The following AGMO variants were observed in gnomAD, a reference collection of about 807,000 sequenced individuals.
AGMO encodes the protein alkylglycerol monooxygenase, also known as glyceryl-ether monooxygenase.
A neutral mutation model predicts 60.2 loss-of-function variants in AGMO; 75 were observed. The observed-to-expected ratio is 1.25, with a 90% confidence interval of 1.03 to 1.51. The LOEUF (loss-of-function observed/expected upper bound fraction) is 1.51, where lower values mean the gene tolerates loss of function less well. AGMO is among the 40% of genes most tolerant of loss of function. The probability of loss-of-function intolerance (pLI) is 0.00; values close to 1 mark genes in which losing one functional copy is unlikely to be tolerated. For missense variants in AGMO, 763 were observed against 525.5 expected, an observed-to-expected ratio of 1.45 and a Z score of -4.42; for synonymous variants, 261 against 177.1, an observed-to-expected ratio of 1.47 and a Z score of -3.76.
chr7:15,178,560 T>C, the AGMO span, among the ~76,000 whole-genome samples: 1 of 152,098 alleles, frequency 6.6e-6, no homozygotes, highest in South Asian at 2.1e-4. Flanking sequence ...CTTTTTTTCC[T>C]CTATCTGGTG....
chr7:15,135,159 AGTTTGTGTGTGT>A, the AGMO span, among the ~76,000 whole-genome samples: 44 of 125,008 alleles, frequency 3.5e-4, no homozygotes, highest in Admixed American at 1.1e-3. Context: ...TATTTATATG[AGTTTGTGTGTGT>A]GTGTGTGTGT....
chr7:15,386,315 C>T (rs76066187), intron 9 of AGMO, among the ~76,000 whole-genome samples: 1,771 of 152,236 alleles, frequency 0.012, 23 homozygotes, highest in African/African-American at 0.039. Flanking sequence ...CAATAGACTA[C>T]GTTTCTACTC....
intron 3 of AGMO, among the ~76,000 whole-genome samples, chr7:15,437,961 C>A (rs1210733039): frequency 1.3e-5 from 2 of 152,104 alleles, no homozygotes; most frequent in East Asian, 3.9e-4. Context: ...TTATTCTATC[C>A]CATAATCACA....
At position 15,475,708 on chromosome 7, in the gene AGMO, G is replaced by A. The variant is rs1319459009; in HGVS notation, c.410-44600C>T. On this transcript the variant is annotated intron_variant, in intron 3 of 12. Transcript: ENST00000342526. ...TAATTTTAAAAAAAAAGAAAAAGAA[G>A]GAATTTAGATTTATTAAATGTAAAT... Among the ~76,000 whole-genome samples, 3 of 151,698 alleles carry A rather than the reference G, an allele frequency of 2.0e-5. No homozygotes were observed. In the South Asian group the frequency reaches 6.2e-4, roughly 32 times the overall value.
intron 12 of AGMO, among the ~76,000 whole-genome samples, chr7:15,260,423 G>T (rs530879510): frequency 1.2e-4 from 18 of 151,934 alleles, no homozygotes; most frequent in African/African-American, 4.3e-4. Flanking sequence ...GACAGAGAGG[G>T]ATATAATATA....
intron 3 of AGMO, among the ~76,000 whole-genome samples, chr7:15,496,082 A>G (rs1783224615): frequency 6.6e-6 from 1 of 152,134 alleles, no homozygotes; most frequent in African/African-American, 2.4e-5. Flanking sequence ...CACATTAAAG[A>G]GGCAATAGTC....
intron 10 of AGMO, among the ~76,000 whole-genome samples, chr7:15,371,910 TAA>T (rs1554263003): frequency 2.1e-5 from 3 of 143,630 alleles, no homozygotes; most frequent in African/African-American, 5.4e-5. Context: ...AGTTTAATAT[TAA>T]ATTATTAAGT....
chr7:15,396,992 G>C (rs1366856640), intron 5 of AGMO, among the ~76,000 whole-genome samples: 4 of 152,140 alleles, frequency 2.6e-5, no homozygotes, highest in African/African-American at 7.2e-5. Flanking sequence ...ACTAGACATA[G>C]AGTGCTGATT....
intron 2 of AGMO, among the ~76,000 whole-genome samples, chr7:15,546,881 A>T (rs915367377): frequency 6.6e-6 from 1 of 152,226 alleles, no homozygotes; most frequent in Non-Finnish European, 1.5e-5. Context: ...TTTGGACAGG[A>T]TAATTCTTTG....
intron 3 of AGMO, among the ~76,000 whole-genome samples, chr7:15,481,648 A>G (rs1782753052): frequency 6.6e-6 from 1 of 152,072 alleles, no homozygotes; most frequent in Non-Finnish European, 1.5e-5. Context: ...TACCTCTCAA[A>G]AACTGATAAA....
intron 12 of AGMO, among the ~76,000 whole-genome samples, chr7:15,248,712 A>T (rs1782842709): frequency 6.6e-6 from 1 of 152,172 alleles, no homozygotes. Context: ...CATAGGCTGT[A>T]TTTGGAAGAA....
rs537493630 is a variant in AGMO at position 15,337,434 on chromosome 7, A to G, written c.1263+28080T>C. Among the ~76,000 whole-genome samples, 657 of 152,296 alleles carry G rather than the reference A, an allele frequency of 4.3e-3. 4 individuals carry two copies. The highest frequency in any genetic ancestry group is 5.4e-3 in the Non-Finnish European group (366 of 68,020). Reference sequence around the variant, plus strand: ...GCCATAAAACAGAGGAGGGTCTGGTAGCCTTGCACAACTCAAGGAGACACT... The same window carrying G: ...GCCATAAAACAGAGGAGGGTCTGGTGGCCTTGCACAACTCAAGGAGACACT... On this transcript the variant is annotated intron_variant, in intron 12 of 12. Transcript: ENST00000342526.
At chr7:15,235,831 A>C (rs967269328) in intron 12 of AGMO, among the ~76,000 whole-genome samples, 1 of 152,148 alleles carries the variant, frequency 6.6e-6, no homozygotes, top group African/African-American at 2.4e-5. Flanking sequence ...TTTATGGAAC[A>C]AATGTAAGCA....
chr7:15,435,332 G>C (rs1432342076), intron 3 of AGMO, among the ~76,000 whole-genome samples: 9 of 140,910 alleles, frequency 6.4e-5, no homozygotes, highest in African/African-American at 2.1e-4. Context: ...TTTTTTATTA[G>C]TACCAGCAGT....
chr7:15,268,045 T>G (rs541965286), intron 12 of AGMO, among the ~76,000 whole-genome samples: 1 of 152,058 alleles, frequency 6.6e-6, no homozygotes, highest in Non-Finnish European at 1.5e-5. Context: ...TGCATGATAA[T>G]AAAGAAATAT....
intron 12 of AGMO, among the ~76,000 whole-genome samples, chr7:15,329,141 A>C (rs1437709276): frequency 1.3e-5 from 2 of 152,146 alleles, no homozygotes; most frequent in African/African-American, 4.8e-5. Context: ...TGTATATTTT[A>C]TTAACTTATT....
chr7:15,231,288 C>T (rs541149613), intron 12 of AGMO, among the ~76,000 whole-genome samples: 2 of 152,198 alleles, frequency 1.3e-5, no homozygotes, highest in Admixed American at 1.3e-4. Flanking sequence ...TCTTTTTGTC[C>T]TTTTTGTTTG....
At chr7:15,522,052 A>G (rs1485458964) in intron 3 of AGMO, among the ~76,000 whole-genome samples, 3 of 152,146 alleles carry the variant, frequency 2.0e-5, no homozygotes, top group Non-Finnish European at 2.9e-5. Context: ...TATACAAACA[A>G]TAATAGACAA....
chr7:15,151,598 C>G, the AGMO span, among the ~76,000 whole-genome samples: 1 of 151,772 alleles, frequency 6.6e-6, no homozygotes. Context: ...GTTTAATTTC[C>G]ATGTAATTGT....
Sources: allele counts gnomAD v4.1 joint callset (sites outside exome capture counted in the v4.1 genomes callset), GRCh38; gene constraint gnomAD v4.1.1; transcripts MANE v1.5; gene names NCBI Gene and HGNC (gene_info 2026-07-23, HGNC 2026-07-21).